The following DENND5A variants were observed in gnomAD, a reference collection of about 807,000 sequenced individuals.
DENND5A encodes the protein DENN domain containing 5A, also known as DENN domain-containing protein 5A.
DENND5A carries 64 observed loss-of-function variants against 140.3 expected under a neutral mutation model. That is an observed-to-expected ratio of 0.46 (90% confidence interval 0.37 to 0.56). The LOEUF is 0.56. Ranked by LOEUF, DENND5A falls within the 20% of genes least tolerant of loss-of-function variation. The probability of loss-of-function intolerance (pLI) is 0.00; values close to 1 mark genes in which losing one functional copy is unlikely to be tolerated. For synonymous variants in DENND5A, 605 were observed against 607.7 expected, an observed-to-expected ratio of 1.00 and a Z score of 0.07; for missense variants, 1,292 against 1,593.8, an observed-to-expected ratio of 0.81 and a Z score of 3.22.
At chr11:9,247,229 TA>T (rs75951139) in intron 1 of DENND5A, among the ~76,000 whole-genome samples, 1,740 of 126,764 alleles carry the variant, frequency 0.014, 27 homozygotes, top group African/African-American at 0.044. Flanking sequence ...GACTCCGTCT[TA>T]AAAAAAAAAA....
intron 1 of DENND5A, among the ~76,000 whole-genome samples, chr11:9,258,920 A>G (rs1852070085): frequency 6.6e-6 from 1 of 152,152 alleles, no homozygotes. Flanking sequence ...TAGCTTTCCT[A>G]GACAGTCACC....
intron 3 of DENND5A, 21 bp downstream of exon 3, chr11:9,206,652 T>G (rs1320716474): frequency 1.3e-6 from 2 of 1,519,174 alleles, no homozygotes; most frequent in Admixed American, 3.3e-5. Context: ...TATCTCATAC[T>G]TGTGGCTAAC....
rs77267897 is a variant in DENND5A, at chr11:9,219,955, A to C, written c.110-12323T>G. 3.4e-3 allele frequency among the ~76,000 whole-genome samples: 511 copies of C among 152,332 alleles called. 3 individuals carry two copies. Among genetic ancestry groups the C allele is most frequent in the African/African-American group, 0.012 (496 of 41,578 alleles). ...GATTGGATATCATCATTTAGAAAGA[A>C]AGGAAAGGGGCTCAGTTAAAGCACT... On this transcript the variant is annotated intron_variant, in intron 1 of 22. Transcript: ENST00000328194.
Position 9,170,740 on chromosome 11 carries a change from A to G in DENND5A, c.1944T>C (p.His648=), listed in dbSNP as rs1490378673. ...AIELRLAKID[H]TAIHPHLLDM... is the part of the protein sequence containing the mutation. ...CAAGTAAATGTGGGTGAATTGCAGTATGGTCAATTTTTGCCAGACGCAGCT... is the reference window on the plus strand; with the variant it reads ...CAAGTAAATGTGGGTGAATTGCAGTGTGGTCAATTTTTGCCAGACGCAGCT... Residue 648 remains histidine (H), a synonymous_variant, in exon 9 of 23, where the codon CAT becomes CAC. Coordinates refer to ENST00000328194, the MANE Select transcript of DENND5A (RefSeq NM_015213.4). 2 of 1,613,818 alleles carry G rather than the reference A, an allele frequency of 1.2e-6. No individual in the cohort carries two copies. Among genetic ancestry groups the G allele is most frequent in the Non-Finnish European group, 1.7e-6 (2 of 1,179,942 alleles).
At chr11:9,253,100 C>G (rs79549010) in intron 1 of DENND5A, among the ~76,000 whole-genome samples, 8 of 152,032 alleles carry the variant, frequency 5.3e-5, no homozygotes, top group African/African-American at 1.2e-4. Context: ...CATCCTCCCC[C>G]ACTCGGCCCC....
chr11:9,157,834 A>G (rs1847861188), intron 12 of DENND5A, among the ~76,000 whole-genome samples: 1 of 152,164 alleles, frequency 6.6e-6, no homozygotes, highest in Non-Finnish European at 1.5e-5. Context: ...AATATTCTGA[A>G]AGACAGGTTT....
At chr11:9,140,247 C>T (rs1444741804) in intron 22 of DENND5A, 2 of 1,293,694 alleles carry the variant, frequency 1.5e-6, no homozygotes, top group African/African-American at 3.0e-5. Flanking sequence ...TTCATGATAA[C>T]CCTGTGATAT....
In DENND5A at chr11:9,187,263, T is replaced by C. The variant is rs567862928; in HGVS notation, c.1138-6179A>G. Among the ~76,000 whole-genome samples, 34 of 152,316 alleles carry C rather than the reference T, an allele frequency of 2.2e-4. 1 individual carries two copies. The highest frequency in any genetic ancestry group is 6.8e-3 in the Middle Eastern group (2 of 294). ...TACAAAATACTAGGAACTCCTCATATATCCTCCTTCCTCAGCTGACGAGGG... is the reference window on the plus strand; with the variant it reads ...TACAAAATACTAGGAACTCCTCATACATCCTCCTTCCTCAGCTGACGAGGG... On this transcript the variant is annotated intron_variant, in intron 5 of 22. Coordinates refer to ENST00000328194, the MANE Select transcript of DENND5A (RefSeq NM_015213.4).
chr11:9,144,243 T>A lies in DENND5A; in HGVS notation c.3158A>T (p.Asp1053Val). The A allele has an allele frequency of 1.2e-6, 2 of 1,614,116 alleles. No homozygotes were observed. Among genetic ancestry groups the A allele is most frequent in the Non-Finnish European group, 1.7e-6 (2 of 1,180,004 alleles). Residue 1053 changes from aspartate to valine, a missense_variant, in exon 19 of 23, where the codon GAT becomes GTT. By Grantham distance (152) the Asp-to-Val change is radical (BLOSUM62 -3). This residue lies in a region of DENND5A where 498 missense variants were observed against 689.7 expected (regional missense o/e 0.72). Coordinates refer to ENST00000328194, the MANE Select transcript of DENND5A (RefSeq NM_015213.4). ...TAGGATCCGCTCCAGGCTTCCATCA[T>A]CCATGCCCTTCCCTAACCACCGGCC... ...PCGRWLGKGM[D>V]DGSLERILVG...
chr11:9,194,691 T>C (rs1849256443), intron 4 of DENND5A, among the ~76,000 whole-genome samples: 1 of 151,956 alleles, frequency 6.6e-6, no homozygotes, highest in South Asian at 2.1e-4. Flanking sequence ...CTTGTGATCA[T>C]ATTTGGCTTA....
chr11:9,207,720 T>C (rs1849740206), intron 1 of DENND5A, 88 bp from the exon 2 acceptor site: 2 of 980,478 alleles, frequency 2.0e-6, no homozygotes, highest in Admixed American at 2.1e-5. Context: ...AATTACATTT[T>C]ACATTATGAA....
chr11:9,216,707 C>T (rs557308283), intron 1 of DENND5A, among the ~76,000 whole-genome samples: 17 of 152,086 alleles, frequency 1.1e-4, no homozygotes, highest in Non-Finnish European at 2.4e-4. Context: ...GAGCTCGGAA[C>T]CAACCTGGAC....
At chr11:9,247,998 T>C (rs895503374) in intron 1 of DENND5A, among the ~76,000 whole-genome samples, 1 of 152,182 alleles carries the variant, frequency 6.6e-6, no homozygotes, top group Admixed American at 6.6e-5. Context: ...TTGTTTTGTT[T>C]TGTTTTTGAG....
chr11:9,152,689 G>A (rs1220390821), intron 12 of DENND5A, among the ~76,000 whole-genome samples: 2 of 152,106 alleles, frequency 1.3e-5, no homozygotes, highest in East Asian at 3.9e-4. Context: ...AAGAGAGCCT[G>A]GTAAGGGACC....
rs1848720145 is a variant in DENND5A at position 9,181,215 on chromosome 11, G to T, written c.1138-131C>A. On this transcript the variant is annotated intron_variant, in intron 5 of 22. Transcript: ENST00000328194. ...GGCTATATTTGAGATATGGTATAAG[G>T]AAGATAGGGCTCAGAAATAAGACAG... The T allele has an allele frequency of 5.5e-6, 4 of 731,022 alleles. No homozygotes were observed. In the Admixed American group the frequency reaches 1.2e-4, roughly 21 times the overall value. The allele number at this position is 731,022 out of a possible 1,614,324, so 45.3% of individuals were successfully genotyped here.
At chr11:9,221,505 C>T (rs975513020) in intron 1 of DENND5A, among the ~76,000 whole-genome samples, 3 of 152,032 alleles carry the variant, frequency 2.0e-5, no homozygotes, top group African/African-American at 7.2e-5. Context: ...GCATTACAGG[C>T]ATGAGCAACT....
chr11:9,141,634 T>C (rs946000803), intron 22 of DENND5A, among the ~76,000 whole-genome samples: 1 of 152,134 alleles, frequency 6.6e-6, no homozygotes, highest in African/African-American at 2.4e-5. Flanking sequence ...TAAAACACAA[T>C]GGTAAGTATT....
intron 1 of DENND5A, among the ~76,000 whole-genome samples, chr11:9,258,640 C>A (rs1168954891): frequency 4.6e-5 from 7 of 152,090 alleles, no homozygotes; most frequent in African/African-American, 1.7e-4. Context: ...TCCTGCCCTG[C>A]CAGACAAATT....
At chr11:9,239,335 CTTTTTTTT>C (rs1213339417) in intron 1 of DENND5A, among the ~76,000 whole-genome samples, 1 of 121,300 alleles carries the variant, frequency 8.2e-6, no homozygotes, top group African/African-American at 3.2e-5. Flanking sequence ...CCTGGCTAAA[CTTTTTTTT>C]TTTTTTTTTT....
Sources: allele counts gnomAD v4.1 joint callset (sites outside exome capture counted in the v4.1 genomes callset), GRCh38; gene constraint gnomAD v4.1.1; regional missense constraint gnomAD v4.1.1; transcripts MANE v1.5; gene names NCBI Gene and HGNC (gene_info 2026-07-23, HGNC 2026-07-21).